The following SEMA4B variants were observed in gnomAD, a reference collection of about 807,000 sequenced individuals.
SEMA4B encodes semaphorin 4B.
SEMA4B carries 55 observed loss-of-function variants against 88.1 expected under a neutral mutation model. The ratio of observed to expected loss-of-function variants is 0.62; its 90% CI spans 0.50 to 0.78. The LOEUF (loss-of-function observed/expected upper bound fraction) is 0.78. SEMA4B is among the 30% of genes least tolerant of loss of function. SEMA4B has a pLI of 0.00. For missense variants in SEMA4B, 1,062 were observed against 1,111.9 expected (o/e 0.96, Z 0.64); for synonymous variants, 525 against 473.6 (o/e 1.11, Z -1.41).
At chr15:90,214,374 A>T (rs970231319) in intron 1 of SEMA4B, among the ~76,000 whole-genome samples, 8 of 149,804 alleles carry the variant, frequency 5.3e-5, no homozygotes, top group African/African-American at 2.0e-4. Flanking sequence ...GTGGTGGCTC[A>T]CGCCTGTAAT....
intron 1 of SEMA4B, among the ~76,000 whole-genome samples, chr15:90,191,327 T>C (rs761795874): frequency 6.6e-5 from 10 of 152,194 alleles, no homozygotes; most frequent in Non-Finnish European, 1.3e-4. Flanking sequence ...AGGAGGTGGC[T>C]GAACTTGAGG....
At position 90,227,947 on chromosome 15, in the gene SEMA4B, G is replaced by A. The variant is rs772995628; in HGVS notation, c.1818G>A (p.Val606=). The change falls in exon 14 of 14, where the codon GTG becomes GTA. Residue 606 remains valine, a synonymous_variant. Transcript: ENST00000411539. ...CEQVQFQPNT[V]NTLACPLLSN... The stretch of plus-strand genomic sequence containing the variant: ...AAGTCCAGTTCCAGCCCAACACAGT[G>A]AACACTTTGGCCTGCCCGCTCCTCT... 1 of 1,613,528 alleles carries A rather than the reference G, an allele frequency of 6.2e-7. No individual in the cohort carries two copies. The highest frequency in any genetic ancestry group is 1.7e-5 in the Admixed American group (1 of 60,008).
chr15:90,184,955 G>A (rs1262866943), upstream of SEMA4B: 3 of 985,872 alleles, frequency 3.0e-6, no homozygotes, highest in Non-Finnish European at 3.6e-6. Context: ...GAGGCTGTGC[G>A]CCCGAGACTC....
chr15:90,222,552 A>C (rs1372389039), intron 7 of SEMA4B, among the ~76,000 whole-genome samples: 6 of 151,706 alleles, frequency 4.0e-5, no homozygotes, highest in Non-Finnish European at 7.4e-5. Context: ...CCTGGGTGAC[A>C]GAGCAAGACT....
exon 1 of SEMA4B, chr15:90,185,009 G>T (rs1960122120): frequency 1.0e-6 from 1 of 985,688 alleles, no homozygotes; most frequent in Non-Finnish European, 1.2e-6. Flanking sequence ...CAAGGGGGAC[G>T]AGTCAGTGGA....
chr15:90,211,969 G>A lies in SEMA4B; in HGVS notation c.158-5470G>A, dbSNP rs566407521. 3.9e-5 allele frequency among the ~76,000 whole-genome samples: 6 copies of A among 152,228 alleles called. No homozygotes were observed. The South Asian group carries it at 8.3e-4, about 21-fold the overall frequency. ...GTGGGGTGGGGTTCTGAGTCACAGC[G>A]CTGCTGCAGCTAGCTGGCTGGCCTG... On this transcript the variant is annotated intron_variant, in intron 1 of 13. Coordinates refer to ENST00000411539, the MANE Select transcript of SEMA4B (RefSeq NM_198925.4).
At chr15:90,226,802 T>TG (rs1173914547) in intron 12 of SEMA4B, among the ~76,000 whole-genome samples, 1 of 152,170 alleles carries the variant, frequency 6.6e-6, no homozygotes, top group Non-Finnish European at 1.5e-5. Flanking sequence ...GATCACTGGC[T>TG]GGTAGATGCT....
In SEMA4B at chr15:90,228,635, G is replaced by C. The variant is rs1173829452; in HGVS notation, c.2506G>C (p.Val836Leu). The C allele has an allele frequency of 6.2e-7, 1 of 1,613,134 alleles. No individual in the cohort carries two copies. Among genetic ancestry groups the C allele is most frequent in the East Asian group, 2.2e-5 (1 of 44,898 alleles). ...CCTTGGCTCGGAGATCCGTGACTCT[G>C]TGGTGTGAGAGCTGACTTCCAGAGG... Reference protein sequence around the residue: ...VRLGSEIRDSVV With the variant: ...VRLGSEIRDSLV The change falls in exon 14 of 14, where the codon GTG becomes CTG. Residue 836 changes from valine to leucine, a missense_variant. Physicochemically the swap from Val to Leu is conservative, Grantham distance 32. Coordinates refer to ENST00000411539, the MANE Select transcript of SEMA4B (RefSeq NM_198925.4).
intron 1 of SEMA4B, chr15:90,217,217 T>A (rs1446773412): frequency 4.2e-6 from 2 of 473,920 alleles, no homozygotes; most frequent in Non-Finnish European, 7.4e-6. Context: ...CCGTAGTAAG[T>A]ATCCTTGTAC....
chr15:90,228,271 C>G lies in SEMA4B; in HGVS notation c.2142C>G (p.Tyr714Ter). The G allele has an allele frequency of 6.3e-7, 1 of 1,590,988 alleles. No homozygotes were observed. The change falls in exon 14 of 14, where the codon TAC (tyrosine) becomes TAG (stop). Residue 714 changes from tyrosine (Y) to a stop codon, truncating the protein, a stop_gained. Transcript: ENST00000411539. LOFTEE classifies it high-confidence loss of function. The stretch of plus-strand genomic sequence containing the variant: ...CCAGCTGGGGTGCAGACAGGTCCTA[C>G]TGGAAGGAGTTCCTGGTGATGTGCA... ...GKASWGADRSYWKEFLVMCTL... is the reference protein window; with the variant it reads ...GKASWGADRS
In SEMA4B at chr15:90,224,903, A is replaced by T. The variant is rs1382984971; in HGVS notation, c.1195-65A>T. ...CACCGCTACTGTCCACTGGGGAAGC[A>T]GGGCCCGCATCCTGCCTGCCACCCC... On this transcript the variant is annotated intron_variant, in intron 9 of 13. Coordinates refer to ENST00000411539, the MANE Select transcript of SEMA4B (RefSeq NM_198925.4). 3.7e-6 allele frequency: 5 copies of T among 1,361,536 alleles called. No homozygotes were observed. The East Asian group carries it at 1.1e-4, about 31-fold the overall frequency. The allele number at this position is 1,361,536 out of a possible 1,614,324, so 84.3% of individuals were successfully genotyped here. A position where few individuals can be genotyped will look rare whatever the true frequency, so the allele number is the denominator to read the frequency against.
chr15:90,215,074 C>T (rs905912609), intron 1 of SEMA4B: 2 of 1,034,788 alleles, frequency 1.9e-6, no homozygotes, highest in African/African-American at 3.4e-5. Flanking sequence ...TGGTCCGCTA[C>T]AACGTGCCTG....
chr15:90,227,052 A>G (rs1296768472), intron 12 of SEMA4B, among the ~76,000 whole-genome samples: 3 of 151,804 alleles, frequency 2.0e-5, no homozygotes, highest in African/African-American at 4.8e-5. Context: ...ATTTTTTATT[A>G]TTATTTTTTG....
upstream of SEMA4B, among the ~76,000 whole-genome samples, chr15:90,198,638 G>T (rs960442331): frequency 6.6e-6 from 1 of 152,188 alleles, no homozygotes; most frequent in African/African-American, 2.4e-5. Context: ...TATCTAGGGG[G>T]AGAGTGTGCC....
chr15:90,188,012 A>G (rs1960215894), intron 1 of SEMA4B, among the ~76,000 whole-genome samples: 1 of 151,532 alleles, frequency 6.6e-6, no homozygotes, highest in African/African-American at 2.4e-5. Flanking sequence ...CTCAAAAAAA[A>G]AAAAAAAGAA....
At chr15:90,188,585 A>AC (rs1567040728) in intron 1 of SEMA4B, among the ~76,000 whole-genome samples, 3 of 151,556 alleles carry the variant, frequency 2.0e-5, no homozygotes, top group African/African-American at 7.3e-5. Flanking sequence ...CCGAGATCGC[A>AC]CCACTGCACT....
Position 90,223,553 on chromosome 15 carries a change from C to G in SEMA4B, c.862-6C>G. On this transcript the variant is annotated splice_region_variant and splice_polypyrimidine_tract_variant and intron_variant, in intron 7 of 13. Coordinates refer to ENST00000411539, the MANE Select transcript of SEMA4B (RefSeq NM_198925.4). ...CTAAGCCCAGCCCATCCGACTCTCC[C>G]TCCAGGGCGATGAGGGTGGAGAGCG... 6.3e-7 allele frequency: 1 copy of G among 1,577,066 alleles called. No individual in the cohort carries two copies. Among genetic ancestry groups the G allele is most frequent in the Non-Finnish European group, 8.6e-7 (1 of 1,158,708 alleles).
intron 1 of SEMA4B, chr15:90,192,080 G>A (rs1047850731): frequency 6.5e-6 from 1 of 152,914 alleles, no homozygotes; most frequent in Admixed American, 6.5e-5. Context: ...GGGGGGCCAA[G>A]GCCTGGAGAG....
chr15:90,205,672 G>T (rs1447500689), intron 1 of SEMA4B, among the ~76,000 whole-genome samples: 1 of 152,226 alleles, frequency 6.6e-6, no homozygotes, highest in Non-Finnish European at 1.5e-5. Context: ...CTGCTCTGGT[G>T]TGCTAGAAAC....
Sources: gnomAD v4.1 joint callset for allele counts (sites outside exome capture counted in the v4.1 genomes callset) on GRCh38, gnomAD v4.1.1 for gene constraint, MANE v1.5 for transcripts, NCBI Gene and HGNC (gene_info 2026-07-23, HGNC 2026-07-21) for gene names.